Variants in CARF observed in about 807,000 individuals in gnomAD.
CARF encodes the protein calcium-responsive transcription factor.
Under a neutral mutation model 82.0 loss-of-function variants are expected in CARF, and 57 were observed. That is an observed-to-expected ratio of 0.70 (90% confidence interval 0.56 to 0.87). The LOEUF (loss-of-function observed/expected upper bound fraction) is 0.87, where lower values mean the gene tolerates loss of function less well. Ranked by LOEUF, CARF falls within the 40% of genes least tolerant of loss-of-function variation. The pLI is 0.00. For missense variants in CARF, 771 were observed against 855.8 expected, an observed-to-expected ratio of 0.90 and a Z score of 1.24; for synonymous variants, 268 against 290.1, an observed-to-expected ratio of 0.92 and a Z score of 0.77.
chr2:202,966,705 G>A (rs752840901), intron 9 of CARF, among the ~76,000 whole-genome samples: 2 of 150,034 alleles, frequency 1.3e-5, no homozygotes, highest in Non-Finnish European at 3.0e-5. Flanking sequence ...GTGAGACTCC[G>A]TCTCAAAAAA....
chr2:202,980,616 GTATATATATATATATATATATATA>G lies in CARF; in HGVS notation c.1559-916_1559-893del, dbSNP rs34656288. On this transcript the variant is annotated intron_variant, in intron 14 of 16. Transcript: ENST00000438828. ...GAGTTACAGATATAGCGTCTTTCAA[GTATATATATATATATATATATATA>G]TATATATATATATATATATATAGTT... 1.1e-3 allele frequency among the ~76,000 whole-genome samples: 47 copies of G among 42,670 alleles called. 2 individuals carry two copies. Among genetic ancestry groups the G allele is most frequent in the South Asian group, 2.5e-3 (3 of 1,178 alleles). The allele number at this position is 42,670 out of a possible 152,430, so 28.0% of individuals were successfully genotyped here.
At chr2:202,969,083 A>C (rs1298473873) in intron 10 of CARF, among the ~76,000 whole-genome samples, 1 of 152,126 alleles carries the variant, frequency 6.6e-6, no homozygotes, top group Non-Finnish European at 1.5e-5. Context: ...TGAGGTGAGG[A>C]GTTTGAGACC....
intron 3 of CARF, among the ~76,000 whole-genome samples, chr2:202,935,590 A>G (rs1040333480): frequency 6.6e-6 from 1 of 151,618 alleles, no homozygotes; most frequent in Non-Finnish European, 1.5e-5. Flanking sequence ...TGCCCAGCTA[A>G]TTTTTTTGAT....
chr2:202,971,803 T>A (rs1056381380), intron 12 of CARF, 65 bp downstream of exon 12: 1 of 1,198,312 alleles, frequency 8.3e-7, no homozygotes. Flanking sequence ...AATAATACAG[T>A]GAACATTGGA....
intron 3 of CARF, among the ~76,000 whole-genome samples, chr2:202,937,320 CAT>C (rs1335084986): frequency 1.3e-5 from 2 of 152,050 alleles, no homozygotes; most frequent in Non-Finnish European, 2.9e-5. Flanking sequence ...TTAAAACACA[CAT>C]ACAAAATTAC....
chr2:202,936,621 G>C (rs928994311), intron 3 of CARF, among the ~76,000 whole-genome samples: 2 of 151,986 alleles, frequency 1.3e-5, no homozygotes, highest in African/African-American at 4.8e-5. Flanking sequence ...TCTATCTTTG[G>C]GCTCTACCTT....
chr2:202,977,215 A>G (rs572193278), intron 13 of CARF, 54 bp from the exon 14 acceptor site: 6 of 1,301,176 alleles, frequency 4.6e-6, no homozygotes, highest in South Asian at 3.8e-5. Flanking sequence ...ACGTCTTAAG[A>G]TATTTTTCAA....
intron 1 of CARF, among the ~76,000 whole-genome samples, chr2:202,917,539 A>G (rs1440580595): frequency 6.6e-6 from 1 of 152,190 alleles, no homozygotes; most frequent in African/African-American, 2.4e-5. Context: ...TTGTGGCTCC[A>G]AAAGATACCC....
At chr2:202,936,850 G>A (rs781324273) in intron 3 of CARF, among the ~76,000 whole-genome samples, 29 of 152,122 alleles carry the variant, frequency 1.9e-4, no homozygotes, top group Non-Finnish European at 3.5e-4. Context: ...TCCTATTGGT[G>A]CCATATCTAA....
intron 11 of CARF, 126 bp downstream of exon 11, chr2:202,970,188 T>C: frequency 1.2e-6 from 1 of 840,812 alleles, no homozygotes; most frequent in Non-Finnish European, 1.8e-6. Flanking sequence ...GGTAGAGATA[T>C]CAATAGTTCC....
rs1263931696 is a variant in CARF at position 202,984,864 on chromosome 2, T to G, written c.*1240T>G. On this transcript the variant is annotated 3_prime_UTR_variant, in exon 17 of 17. Coordinates refer to ENST00000438828, the MANE Select transcript of CARF (RefSeq NM_024744.17). ...TGAGGTCAGGAGTTCGAGACCAGCC[T>G]GGCCAACGTGGTGAAACCCTGTTTC... 2 of 152,176 alleles carry G rather than the reference T, an allele frequency of 1.3e-5. No individual in the cohort carries two copies. Among genetic ancestry groups the G allele is most frequent in the African/African-American group, 4.8e-5 (2 of 41,408 alleles). The allele number at this position is 152,176 out of a possible 1,614,324, so 9.4% of individuals were successfully genotyped here.
chr2:202,981,636 T>TG lies in CARF; in HGVS notation c.1641dup (p.Leu548AlafsTer28), dbSNP rs2060267710. 8.1e-6 allele frequency: 13 copies of TG among 1,612,222 alleles called. No individual in the cohort carries two copies. The highest frequency in any genetic ancestry group is 1.1e-5 in the Non-Finnish European group (13 of 1,178,794). On this transcript the variant is annotated frameshift_variant, in exon 15 of 17. Transcript: ENST00000438828. LOFTEE classifies it high-confidence loss of function. ...TCTTTGTCTCCTGAGCCAACCCACTTGCTCTCCTCACTCTCCTCATTTCAG... is the reference window on the plus strand; with the variant it reads ...TCTTTGTCTCCTGAGCCAACCCACTTGGCTCTCCTCACTCTCCTCATTTCAG...
intron 11 of CARF, 112 bp downstream of exon 11, chr2:202,970,174 A>T (rs1313246732): frequency 2.0e-6 from 2 of 1,021,150 alleles, no homozygotes; most frequent in African/African-American, 3.3e-5. Context: ...TAACGGTTTT[A>T]TAAGGTAGAG....
intron 13 of CARF, among the ~76,000 whole-genome samples, chr2:202,975,906 G>A (rs1349791628): frequency 4.6e-5 from 7 of 151,086 alleles, no homozygotes; most frequent in East Asian, 4.0e-4. Flanking sequence ...TTAGCCGGGC[G>A]CGGTGGCAGG....
At position 202,942,792 on chromosome 2, in the gene CARF, C is replaced by T. The variant is rs1460035342; in HGVS notation, c.131C>T (p.Pro44Leu). 6 of 1,613,866 alleles carry T rather than the reference C, an allele frequency of 3.7e-6. No homozygotes were observed. The highest frequency in any genetic ancestry group is 4.2e-6 in the Non-Finnish European group (5 of 1,179,972). The change falls in exon 5 of 17, where the codon CCT (proline) becomes CTT (leucine). Residue 44 changes from proline to leucine, a missense_variant. Coordinates refer to ENST00000438828, the MANE Select transcript of CARF (RefSeq NM_024744.17). ...RDSSFGQNDS[P>L]TVLPITTREA... ...TCTTCCTTTGGACAAAATGATTCTCCTACAGTTTTGCCCATCACTACTCGT... is the reference window on the plus strand; with the variant it reads ...TCTTCCTTTGGACAAAATGATTCTCTTACAGTTTTGCCCATCACTACTCGT...
chr2:202,980,781 G>A (rs977422977), intron 14 of CARF, among the ~76,000 whole-genome samples: 3 of 150,786 alleles, frequency 2.0e-5, no homozygotes, highest in African/African-American at 7.3e-5. Flanking sequence ...TTATAATCTA[G>A]AGATGATTTA....
At chr2:202,953,048 G>A (rs1191623865) in intron 6 of CARF, among the ~76,000 whole-genome samples, 1 of 151,900 alleles carries the variant, frequency 6.6e-6, no homozygotes, top group Non-Finnish European at 1.5e-5. Context: ...GCAGAGTCTC[G>A]CTCTATCCCC....
At chr2:202,978,027 G>A (rs2060103890) in intron 14 of CARF, among the ~76,000 whole-genome samples, 2 of 152,140 alleles carry the variant, frequency 1.3e-5, no homozygotes, top group South Asian at 4.1e-4. Context: ...TGTATTTTTA[G>A]TAGAGACAGG....
chr2:202,922,224 C>A (rs1369816107), intron 2 of CARF, among the ~76,000 whole-genome samples: 2 of 152,080 alleles, frequency 1.3e-5, no homozygotes, highest in Admixed American at 6.6e-5. Flanking sequence ...GGCAATCCCC[C>A]CACCTCAGCT....
Sources: gnomAD v4.1 joint callset for allele counts (sites outside exome capture counted in the v4.1 genomes callset) on GRCh38, gnomAD v4.1.1 for gene constraint, MANE v1.5 for transcripts, NCBI Gene and HGNC (gene_info 2026-07-23, HGNC 2026-07-21) for gene names.